Variants in DDX31 observed in about 807,000 individuals in gnomAD.
DDX31 encodes the protein ATP-dependent DNA helicase DDX31.
In DDX31, 70 loss-of-function variants were observed where a neutral mutation model predicts 91.3. That is an observed-to-expected ratio of 0.77 (90% confidence interval 0.63 to 0.94). DDX31 has a LOEUF of 0.94. Among genes scored for constraint, DDX31 ranks in the 40% least tolerant of loss-of-function variants. The probability of loss-of-function intolerance (pLI) is 0.00; values close to 1 mark genes in which losing one functional copy is unlikely to be tolerated. For synonymous variants in DDX31, 362 were observed against 350.6 expected (o/e 1.03, Z -0.36); for missense variants, 902 against 925.0 (o/e 0.98, Z 0.32).
intron 1 of DDX31, among the ~76,000 whole-genome samples, chr9:132,662,898 A>G (rs1218995129): frequency 6.6e-6 from 1 of 152,204 alleles, no homozygotes; most frequent in Non-Finnish European, 1.5e-5. Context: ...AAAAAAGAAA[A>G]AAGTCTCAGC....
intron 14 of DDX31, among the ~76,000 whole-genome samples, chr9:132,633,146 G>C (rs956279764): frequency 6.6e-6 from 1 of 152,258 alleles, no homozygotes; most frequent in South Asian, 2.1e-4. Flanking sequence ...TATTTTGTTC[G>C]GGGACACACA....
chr9:132,627,060 C>T (rs1252173424), intron 16 of DDX31, among the ~76,000 whole-genome samples: 1 of 152,050 alleles, frequency 6.6e-6, no homozygotes, highest in Non-Finnish European at 1.5e-5. Context: ...GAGCCCAGTC[C>T]CATCTTTTTC....
chr9:132,632,672 G>A (rs1257191621), intron 14 of DDX31, among the ~76,000 whole-genome samples: 1 of 151,922 alleles, frequency 6.6e-6, no homozygotes, highest in East Asian at 1.9e-4. Flanking sequence ...TATTTACTTA[G>A]GATTTTGCTT....
chr9:132,595,002 G>A lies in DDX31; in HGVS notation c.2105C>T (p.Ala702Val), dbSNP rs1416516610. 2 of 1,614,208 alleles carry A rather than the reference G, an allele frequency of 1.2e-6. No individual in the cohort carries two copies. The highest frequency in any genetic ancestry group is 1.7e-6 in the Non-Finnish European group (2 of 1,180,044). Residue 702 changes from alanine to valine, a missense_variant, in exon 20 of 20, where the codon GCA becomes GTA. Coordinates refer to ENST00000372159, the MANE Select transcript of DDX31 (RefSeq NM_022779.9). This position sits in a 1 kb window ranked among gnomAD's most constrained non-coding sequence, Gnocchi z 4.6. ...GGGCCGGCCACCAGGCTCTCCAGGT[G>A]CGTTTTGCTTTTTGACCTTGGCGAT... ...ADIAKVKKQN[A>V]PGEPGGRPLQ...
intron 1 of DDX31, 109 bp from the exon 2 acceptor site, chr9:132,662,804 T>A (rs537673009): frequency 4.5e-5 from 64 of 1,417,340 alleles, no homozygotes; most frequent in Admixed American, 2.6e-4. Context: ...CCTGCAGAGA[T>A]CATTATGCCC....
At chr9:132,650,102 T>C (rs548013288) in intron 9 of DDX31, 132 bp downstream of exon 9, 2 of 843,080 alleles carry the variant, frequency 2.4e-6, no homozygotes, top group East Asian at 2.5e-5. Context: ...ACTCAATCTG[T>C]CCCTGTGCAC....
At chr9:132,618,576 T>C (rs1405875440) in intron 17 of DDX31, 135 bp from the exon 18 acceptor site, 17 of 628,898 alleles carry the variant, frequency 2.7e-5, no homozygotes, top group Non-Finnish European at 4.1e-5. Flanking sequence ...CTTTCAATAT[T>C]ACTAGGAAAA....
chr9:132,623,551 CAAAAAAAAAAA>C (rs34868804), intron 17 of DDX31, among the ~76,000 whole-genome samples: 6 of 66,762 alleles, frequency 9.0e-5, no homozygotes, highest in Admixed American at 1.8e-4. Flanking sequence ...GACTCCATCT[CAAAAAAAAAAA>C]AAAAAAGAAA....
intron 6 of DDX31, among the ~76,000 whole-genome samples, chr9:132,653,247 A>G (rs942343559): frequency 2.0e-5 from 3 of 152,008 alleles, no homozygotes; most frequent in African/African-American, 7.2e-5. Flanking sequence ...TAATCCCAGC[A>G]CTTTGGGAGG....
intron 1 of DDX31, chr9:132,663,438 C>T (rs1835114000): frequency 1.0e-6 from 1 of 985,328 alleles, no homozygotes; most frequent in African/African-American, 1.7e-5. Flanking sequence ...GGCTACACAG[C>T]ACTAGGGATC....
At chr9:132,647,770 C>A (rs1424689962) in intron 11 of DDX31, among the ~76,000 whole-genome samples, 2 of 152,088 alleles carry the variant, frequency 1.3e-5, no homozygotes, top group Non-Finnish European at 2.9e-5. Context: ...CAGAGAAGCG[C>A]TTCATTGATA....
chr9:132,594,902 A>G lies in DDX31; in HGVS notation c.2205T>C (p.Gly735=). 1 of 1,613,942 alleles carries G rather than the reference A, an allele frequency of 6.2e-7. No individual in the cohort carries two copies. Among genetic ancestry groups the G allele is most frequent in the Non-Finnish European group, 8.5e-7 (1 of 1,180,004 alleles). Residue 735 remains glycine, a synonymous_variant, in exon 20 of 20, where the codon GGT becomes GGC. Transcript: ENST00000372159. ...KTLKWRKTQK[G]VQRDSKTSQK... is the part of the protein sequence containing the mutation. ...GGGAAGTCTTGCTGTCCCGCTGTACACCTTTTTGGGTTTTTCTCCATTTTA... is the reference window on the plus strand; with the variant it reads ...GGGAAGTCTTGCTGTCCCGCTGTACGCCTTTTTGGGTTTTTCTCCATTTTA...
rs760979836 is a variant in DDX31, at chr9:132,595,056, G to A, written c.2051C>T (p.Ser684Leu). Residue 684 changes from serine to leucine, a missense_variant, in exon 20 of 20, where the codon TCG becomes TTG. Physicochemically the swap from Ser to Leu is moderately radical, Grantham distance 145. Coordinates refer to ENST00000372159, the MANE Select transcript of DDX31 (RefSeq NM_022779.9). This position sits in a 1 kb window ranked among gnomAD's most constrained non-coding sequence, Gnocchi z 4.6. ...GGCCTCCATGCCGCTTGAGTATTCC[G>A]AACGTAGGATTTCAGCGAGGCTGTG... ...SKHSLAEILR[S>L]EYSSGMEADI... 8.7e-6 allele frequency: 14 copies of A among 1,614,212 alleles called. No homozygotes were observed. The highest frequency in any genetic ancestry group is 2.2e-5 in the East Asian group (1 of 44,884).
At chr9:132,641,176 G>A (rs1474239479) in intron 14 of DDX31, among the ~76,000 whole-genome samples, 2 of 152,184 alleles carry the variant, frequency 1.3e-5, no homozygotes, top group Non-Finnish European at 2.9e-5. Context: ...TACTGAATAT[G>A]GAATACAAGT....
At chr9:132,654,666 C>T (rs574832097) in intron 6 of DDX31, among the ~76,000 whole-genome samples, 22 of 151,884 alleles carry the variant, frequency 1.4e-4, no homozygotes, top group African/African-American at 5.3e-4. Context: ...GAATAAAGGG[C>T]CGGATGTGGT....
chr9:132,658,074 A>G, intron 6 of DDX31: 1 of 526,936 alleles, frequency 1.9e-6, no homozygotes, highest in Non-Finnish European at 3.4e-6. Flanking sequence ...AGACTCAAGC[A>G]TGAATGGATA....
intron 14 of DDX31, 121 bp downstream of exon 14, chr9:132,641,883 G>T: frequency 1.0e-6 from 1 of 952,868 alleles, no homozygotes; most frequent in African/African-American, 1.6e-5. Context: ...CCCACCAAGG[G>T]GCCCCTAGTG....
At position 132,595,092 on chromosome 9, in the gene DDX31, GTCT is replaced by G; in HGVS notation, c.2012_2014del (p.Lys671del). On this transcript the variant is annotated inframe_deletion, in exon 20 of 20. Transcript: ENST00000372159. The surrounding 1 kb of genome is among the most constrained non-coding windows in gnomAD (Gnocchi z 4.6). ...TTCAGCGAGGCTGTGTTTACTCTGG[GTCT>G]TCTTATGAAGGTCAGGCCTGAAGAA... 6.2e-7 allele frequency: 1 copy of G among 1,614,150 alleles called. No homozygotes were observed. The highest frequency in any genetic ancestry group is 8.5e-7 in the Non-Finnish European group (1 of 1,180,006).
chr9:132,624,144 G>GCGA (rs1362542744), intron 17 of DDX31, among the ~76,000 whole-genome samples: 1 of 135,422 alleles, frequency 7.4e-6, no homozygotes, highest in Non-Finnish European at 1.5e-5. Context: ...TCCAGCATGG[G>GCGA]CGACAGAGCG....
Sources: allele counts gnomAD v4.1 joint callset (sites outside exome capture counted in the v4.1 genomes callset), GRCh38; gene constraint gnomAD v4.1.1; non-coding constraint Gnocchi (gnomAD v3.1); transcripts MANE v1.5; gene names NCBI Gene and HGNC (gene_info 2026-07-23, HGNC 2026-07-21).